The following TOM1L2 variants were observed in gnomAD, a reference collection of about 807,000 sequenced individuals.
TOM1L2 encodes TOM1-like protein 2.
Under a neutral mutation model 67.9 loss-of-function variants are expected in TOM1L2, and 31 were observed. The observed-to-expected ratio is 0.46, with a 90% CI of 0.34 to 0.62. The LOEUF (loss-of-function observed/expected upper bound fraction) is 0.62. Ranked by LOEUF, TOM1L2 falls within the 20% of genes least tolerant of loss-of-function variation. The probability of loss-of-function intolerance (pLI) is 0.01; values close to 1 mark genes in which losing one functional copy is unlikely to be tolerated. For synonymous variants in TOM1L2, 256 were observed against 254.0 expected (o/e 1.01, Z -0.07); for missense variants, 606 against 663.5 (o/e 0.91, Z 0.95).
intron 1 of TOM1L2, among the ~76,000 whole-genome samples, chr17:17,967,309 G>A (rs1332370704): frequency 6.6e-6 from 1 of 152,184 alleles, no homozygotes; most frequent in Non-Finnish European, 1.5e-5. Flanking sequence ...CAATATTCTG[G>A]TCAGAATTAA....
chr17:17,934,687 G>A (rs1312564537), intron 1 of TOM1L2, among the ~76,000 whole-genome samples: 3 of 152,190 alleles, frequency 2.0e-5, no homozygotes, highest in Non-Finnish European at 4.4e-5. Flanking sequence ...ACAGCCATCA[G>A]AAATAACAAT....
At chr17:17,906,138 T>C (rs1243954109) in intron 2 of TOM1L2, among the ~76,000 whole-genome samples, 2 of 151,704 alleles carry the variant, frequency 1.3e-5, no homozygotes, top group African/African-American at 4.8e-5. Context: ...TTTCATTTTT[T>C]TTTTTTTTGA....
intron 1 of TOM1L2, among the ~76,000 whole-genome samples, chr17:17,917,113 T>G (rs1417598798): frequency 6.6e-6 from 1 of 151,894 alleles, no homozygotes; most frequent in East Asian, 1.9e-4. Context: ...TGAGCCGAGA[T>G]CACGCCACTG....
intron 7 of TOM1L2, among the ~76,000 whole-genome samples, chr17:17,870,373 C>T (rs2037088393): frequency 6.6e-6 from 1 of 152,162 alleles, no homozygotes; most frequent in Non-Finnish European, 1.5e-5. Context: ...AGAGCTCCGT[C>T]AATTCCTGCC....
At chr17:17,953,204 G>A (rs139293775) in intron 1 of TOM1L2, among the ~76,000 whole-genome samples, 261 of 152,194 alleles carry the variant, frequency 1.7e-3, no homozygotes, top group African/African-American at 6.1e-3. Context: ...TGCTTGAACT[G>A]GGGAGGCAGA....
At chr17:17,878,314 G>A (rs1172230217) in intron 7 of TOM1L2, among the ~76,000 whole-genome samples, 1 of 152,244 alleles carries the variant, frequency 6.6e-6, no homozygotes, top group Non-Finnish European at 1.5e-5. Flanking sequence ...CTCCTCACTG[G>A]GGCTGGGCCA....
At chr17:17,895,008 T>C (rs2038493322) in intron 3 of TOM1L2, among the ~76,000 whole-genome samples, 1 of 146,088 alleles carries the variant, frequency 6.8e-6, no homozygotes, top group Non-Finnish European at 1.5e-5. Context: ...ATAATGCACA[T>C]AGCAAAGTAT....
intron 1 of TOM1L2, among the ~76,000 whole-genome samples, chr17:17,967,455 T>C (rs1444299705): frequency 1.3e-5 from 2 of 152,260 alleles, no homozygotes; most frequent in Non-Finnish European, 2.9e-5. Flanking sequence ...TCCCCATGTA[T>C]GTCATCCAAC....
chr17:17,876,769 G>T (rs1034991624), intron 7 of TOM1L2, among the ~76,000 whole-genome samples: 1 of 152,194 alleles, frequency 6.6e-6, no homozygotes, highest in East Asian at 1.9e-4. Flanking sequence ...TAATTCATAG[G>T]CCTGTGTAAT....
intron 1 of TOM1L2, among the ~76,000 whole-genome samples, chr17:17,917,999 A>AT: frequency 6.6e-6 from 1 of 151,994 alleles, no homozygotes; most frequent in Middle Eastern, 3.2e-3. Context: ...GTTTTTCCAT[A>AT]TATTTATGTC....
chr17:17,972,218 A>G (rs1435936567), intron 1 of TOM1L2, 44 bp downstream of exon 1: 8 of 1,547,730 alleles, frequency 5.2e-6, no homozygotes, highest in South Asian at 1.2e-5. Flanking sequence ...CAGCCGGATC[A>G]GCGGCCGCCG....
chr17:17,888,269 TGAG>T (rs2089949195), intron 4 of TOM1L2, among the ~76,000 whole-genome samples: 1 of 152,118 alleles, frequency 6.6e-6, no homozygotes, highest in African/African-American at 2.4e-5. Context: ...GAAGGTCTAA[TGAG>T]GAGAAAAAAG....
At chr17:17,899,247 A>G (rs2038728460) in intron 2 of TOM1L2, among the ~76,000 whole-genome samples, 1 of 152,236 alleles carries the variant, frequency 6.6e-6, no homozygotes, top group African/African-American at 2.4e-5. Flanking sequence ...GAGACACAGA[A>G]GAGAGCGTGC....
intron 1 of TOM1L2, among the ~76,000 whole-genome samples, chr17:17,970,212 G>A (rs568382503): frequency 8.2e-4 from 124 of 151,604 alleles, no homozygotes; most frequent in South Asian, 6.9e-3. Context: ...ATGCCACCAC[G>A]CCTGGCTAAT....
rs534808284 is a variant in TOM1L2 at position 17,857,087 on chromosome 17, T to G, written c.1278+4389A>C. On this transcript the variant is annotated intron_variant, in intron 12 of 14. Transcript: ENST00000379504. ...CTCCTGCTTCAGCCTCCCAAGTAGT[T>G]GGGATTACAGGCACATGCCACCACA... 2.6e-5 allele frequency among the ~76,000 whole-genome samples: 4 copies of G among 152,296 alleles called. No individual in the cohort carries two copies. The South Asian group carries it at 8.3e-4, about 32-fold the overall frequency.
At chr17:17,881,629 A>G (rs1032560051) in intron 6 of TOM1L2, among the ~76,000 whole-genome samples, 1 of 152,186 alleles carries the variant, frequency 6.6e-6, no homozygotes, top group Non-Finnish European at 1.5e-5. Flanking sequence ...CTGCCTGTCA[A>G]GCCCACAGCT....
At chr17:17,926,569 T>C (rs2040092912) in intron 1 of TOM1L2, among the ~76,000 whole-genome samples, 1 of 152,196 alleles carries the variant, frequency 6.6e-6, no homozygotes, top group South Asian at 2.1e-4. Context: ...CATTTAAATG[T>C]AACCATATTT....
At chr17:17,867,659 G>A (rs1045533282) in intron 8 of TOM1L2, among the ~76,000 whole-genome samples, 12 of 152,208 alleles carry the variant, frequency 7.9e-5, no homozygotes, top group Admixed American at 4.6e-4. Flanking sequence ...CATGGGCAGC[G>A]GTAGCTAAGA....
chr17:17,924,523 G>A (rs1335663603), intron 1 of TOM1L2, among the ~76,000 whole-genome samples: 1 of 151,990 alleles, frequency 6.6e-6, no homozygotes, highest in Non-Finnish European at 1.5e-5. Context: ...TCCTTAGCTG[G>A]GTGCAGTGGC....
Sources: gnomAD v4.1 joint callset for allele counts (sites outside exome capture counted in the v4.1 genomes callset) on GRCh38, gnomAD v4.1.1 for gene constraint, MANE v1.5 for transcripts, NCBI Gene and HGNC (gene_info 2026-07-23, HGNC 2026-07-21) for gene names.